CXCL2: variants seen among roughly 807,000 people sequenced by gnomAD.
The protein encoded by CXCL2 is C-X-C motif chemokine ligand 2, also known as C-X-C motif chemokine 2.
Under a neutral mutation model 11.2 loss-of-function variants are expected in CXCL2, and 12 were observed. The observed-to-expected ratio is 1.08, with a 90% CI of 0.69 to 1.74. CXCL2 has a LOEUF of 1.74. Ranked by LOEUF, CXCL2 falls within the 40% of genes most tolerant of loss-of-function variation. The pLI is 0.00. For synonymous variants in CXCL2, 68 were observed against 61.9 expected, an observed-to-expected ratio of 1.10 and a Z score of -0.47; for missense variants, 120 against 137.8, an observed-to-expected ratio of 0.87 and a Z score of 0.65.
chr4:74,098,088 C>T (rs1287122687), intron 3 of CXCL2, among the ~76,000 whole-genome samples: 1 of 152,188 alleles, frequency 6.6e-6, no homozygotes, highest in East Asian at 1.9e-4. Flanking sequence ...CATGATGTAG[C>T]TACCATTATT....
At chr4:74,098,556 G>C (rs1721329255) in intron 3 of CXCL2, 45 bp downstream of exon 3, 1 of 1,595,610 alleles carries the variant, frequency 6.3e-7, no homozygotes. Context: ...CAGTATTTCT[G>C]ACCAACAGCT....
At chr4:74,098,457 C>A in intron 3 of CXCL2, 144 bp downstream of exon 3, 3 of 881,012 alleles carry the variant, frequency 3.4e-6, no homozygotes, top group Non-Finnish European at 5.2e-6. Context: ...AGATTAATAA[C>A]CTTAATGGCA....
At position 74,097,440 on chromosome 4, in the gene CXCL2, A is replaced by G. The variant is rs1053222086; in HGVS notation, c.*316T>C. 2 of 177,758 alleles carry G rather than the reference A, an allele frequency of 1.1e-5. No individual in the cohort carries two copies. Among genetic ancestry groups the G allele is most frequent in the Admixed American group, 6.2e-5 (1 of 16,008 alleles). 11.0% of individuals were successfully genotyped at this position (177,758 alleles called of 1,614,324 possible). A position where few individuals can be genotyped will look rare whatever the true frequency, so the allele number is the denominator to read the frequency against. On this transcript the variant is annotated 3_prime_UTR_variant, in exon 4 of 4. Coordinates refer to ENST00000508487, the MANE Select transcript of CXCL2 (RefSeq NM_002089.4). Reference sequence around the variant, plus strand: ...ACTAGAGAATATCTGCAAACCTTCTATCTTCAAATTAAATATGAATCAGGA... The same window carrying G: ...ACTAGAGAATATCTGCAAACCTTCTGTCTTCAAATTAAATATGAATCAGGA...
chr4:74,098,739 G>T, intron 2 of CXCL2, 55 bp from the exon 3 acceptor site: 1 of 1,613,604 alleles, frequency 6.2e-7, no homozygotes, highest in Non-Finnish European at 8.5e-7. Flanking sequence ...GACAGGGTTT[G>T]GGGCAGCGGG....
In CXCL2 at chr4:74,097,539, A is replaced by ACCTT. The variant is rs1487386351; in HGVS notation, c.*213_*216dup. The ACCTT allele has an allele frequency of 3.0e-6, 1 of 330,908 alleles. No individual in the cohort carries two copies. The highest frequency in any genetic ancestry group is 2.1e-5 in the African/African-American group (1 of 47,236). The allele number at this position is 330,908 out of a possible 1,614,324, so 20.5% of individuals were successfully genotyped here. ...GAGTGTGCAAGTAGATTCAATCATA[A>ACCTT]CCTTATTTTACACATAAAATATTAA... On this transcript the variant is annotated 3_prime_UTR_variant, in exon 4 of 4. Coordinates refer to ENST00000508487, the MANE Select transcript of CXCL2 (RefSeq NM_002089.4).
At chr4:74,098,560 A>T in intron 3 of CXCL2, 41 bp downstream of exon 3, 3 of 1,601,902 alleles carry the variant, frequency 1.9e-6, no homozygotes, top group Non-Finnish European at 2.6e-6. Context: ...ATTTCTGACC[A>T]ACAGCTCCAG....
Position 74,097,412 on chromosome 4 carries a change from A to G in CXCL2, c.*344T>C, listed in dbSNP as rs1721303218. The G allele has an allele frequency of 6.2e-6, 1 of 161,150 alleles. No individual in the cohort carries two copies. The highest frequency in any genetic ancestry group is 1.4e-5 in the Non-Finnish European group (1 of 74,032). 10.0% of individuals were successfully genotyped at this position (161,150 alleles called of 1,614,324 possible). On this transcript the variant is annotated 3_prime_UTR_variant, in exon 4 of 4. Transcript: ENST00000508487. ...TGTCATCACGAAGAAATATTAACAA[A>G]TGACTAGAGAATATCTGCAAACCTT...
chr4:74,097,467 T>A lies in CXCL2; in HGVS notation c.*289A>T, dbSNP rs1160290005. The A allele has an allele frequency of 4.9e-6, 1 of 205,474 alleles. No homozygotes were observed. Among genetic ancestry groups the A allele is most frequent in the Non-Finnish European group, 9.7e-6 (1 of 103,306 alleles). The allele number at this position is 205,474 out of a possible 1,614,324, so 12.7% of individuals were successfully genotyped here. A position where few individuals can be genotyped will look rare whatever the true frequency, so the allele number is the denominator to read the frequency against. ...CTTCAAATTAAATATGAATCAGGAT[T>A]GAACTAACTTGGGTTTGACCTAAAA... On this transcript the variant is annotated 3_prime_UTR_variant, in exon 4 of 4. Transcript: ENST00000508487.
At position 74,098,686 on chromosome 4, in the gene CXCL2, T is replaced by C. The variant is rs1346861820; in HGVS notation, c.225-2A>G. 1 of 1,614,048 alleles carries C rather than the reference T, an allele frequency of 6.2e-7. No homozygotes were observed. Among genetic ancestry groups the C allele is most frequent in the Admixed American group, 1.7e-5 (1 of 60,010 alleles). On this transcript the variant is annotated splice_acceptor_variant, in intron 2 of 3. Coordinates refer to ENST00000508487, the MANE Select transcript of CXCL2 (RefSeq NM_002089.4). LOFTEE classifies it high-confidence loss of function. ...TTCTGCCCATTCTTGAGTGTGGCTCTGCAGAGAGAAGGGAATCTCGTGAGA... is the reference window on the plus strand; with the variant it reads ...TTCTGCCCATTCTTGAGTGTGGCTCCGCAGAGAGAAGGGAATCTCGTGAGA...
chr4:74,097,586 C>CAAATAAAT lies in CXCL2; in HGVS notation c.*162_*169dup, dbSNP rs5859415. 7.4e-3 allele frequency: 2,673 copies of CAAATAAAT among 362,366 alleles called. 18 individuals are homozygous for CAAATAAAT. Among genetic ancestry groups the CAAATAAAT allele is most frequent in the Middle Eastern group, 0.023 (29 of 1,254 alleles). 22.4% of individuals were successfully genotyped at this position (362,366 alleles called of 1,614,324 possible). A position where few individuals can be genotyped will look rare whatever the true frequency, so the allele number is the denominator to read the frequency against. On this transcript the variant is annotated 3_prime_UTR_variant, in exon 4 of 4. Coordinates refer to ENST00000508487, the MANE Select transcript of CXCL2 (RefSeq NM_002089.4). ...TTAACATAGAATCTTCTAAAACAAA[C>CAAATAAAT]AAATAAATAAATAAATAAATAAATA...
At chr4:74,098,574 C>T in intron 3 of CXCL2, 27 bp downstream of exon 3, 1 of 1,610,128 alleles carries the variant, frequency 6.2e-7, no homozygotes, top group Non-Finnish European at 8.5e-7. Context: ...GCTCCAGTCG[C>T]CTGTGTACAT....
rs979169774 is a variant in CXCL2, at chr4:74,098,535, G to C, written c.308+66C>G. On this transcript the variant is annotated intron_variant, in intron 3 of 3. Transcript: ENST00000508487. ...TGGGTTTTCCTGATTTACTTTTTAGGGGGCAGACGCCAGTATTTCTGACCA... is the reference window on the plus strand; with the variant it reads ...TGGGTTTTCCTGATTTACTTTTTAGCGGGCAGACGCCAGTATTTCTGACCA... The C allele has an allele frequency of 1.3e-5, 20 of 1,515,152 alleles. No individual in the cohort carries two copies. In the Admixed American group the frequency reaches 2.2e-4, roughly 17 times the overall value. The allele number at this position is 1,515,152 out of a possible 1,614,324, so 93.9% of individuals were successfully genotyped here.
chr4:74,098,378 A>G (rs1244243039), intron 3 of CXCL2, among the ~76,000 whole-genome samples: 3 of 152,236 alleles, frequency 2.0e-5, no homozygotes, highest in Middle Eastern at 3.2e-3. Context: ...TTTTACCTAC[A>G]TTCACTGGCA....
rs780434409 is a variant in CXCL2 at position 74,098,696 on chromosome 4, A to G, written c.225-12T>C. On this transcript the variant is annotated splice_polypyrimidine_tract_variant and intron_variant, in intron 2 of 3. Transcript: ENST00000508487. ...TCTTGAGTGTGGCTCTGCAGAGAGAAGGGAATCTCGTGAGACAGGAGGTCG... is the reference window on the plus strand; with the variant it reads ...TCTTGAGTGTGGCTCTGCAGAGAGAGGGGAATCTCGTGAGACAGGAGGTCG... 70 of 1,614,096 alleles carry G rather than the reference A, an allele frequency of 4.3e-5. No individual in the cohort carries two copies. In the South Asian group the frequency reaches 6.9e-4, roughly 16 times the overall value.
At chr4:74,097,819 C>A in intron 3 of CXCL2, 48 bp from the exon 4 acceptor site, 1 of 1,557,376 alleles carries the variant, frequency 6.4e-7, no homozygotes, top group African/African-American at 1.4e-5. Flanking sequence ...GGAAAGCTGA[C>A]TGCACAACAG....
In CXCL2 at chr4:74,097,651, A is replaced by T; in HGVS notation, c.*105T>A. On this transcript the variant is annotated 3_prime_UTR_variant, in exon 4 of 4. Transcript: ENST00000508487. ...AGTGATGCTCAAACACATTAGGCGCAATCCAGGTGGCCTCTGCAGCTGTGT... is the reference window on the plus strand; with the variant it reads ...AGTGATGCTCAAACACATTAGGCGCTATCCAGGTGGCCTCTGCAGCTGTGT... 1 of 1,117,004 alleles carries T rather than the reference A, an allele frequency of 9.0e-7. No individual in the cohort carries two copies. The allele number at this position is 1,117,004 out of a possible 1,614,324, so 69.2% of individuals were successfully genotyped here.
chr4:74,099,106 C>G lies in CXCL2; in HGVS notation c.15G>C (p.Thr5=). MARA[T]LSAAPSNPRL... is the part of the protein sequence containing the mutation. ...GGGGATTGCTGGGGGCGGCGGAGAGCGTGGCGCGGGCCATGGGGCTCAGCA... is the reference window on the plus strand; with the variant it reads ...GGGGATTGCTGGGGGCGGCGGAGAGGGTGGCGCGGGCCATGGGGCTCAGCA... Residue 5 remains threonine, a synonymous_variant, in exon 1 of 4, where the codon ACG becomes ACC. Coordinates refer to ENST00000508487, the MANE Select transcript of CXCL2 (RefSeq NM_002089.4). 2 of 1,495,800 alleles carry G rather than the reference C, an allele frequency of 1.3e-6. No homozygotes were observed. The highest frequency in any genetic ancestry group is 1.8e-6 in the Non-Finnish European group (2 of 1,124,560). The allele number at this position is 1,495,800 out of a possible 1,614,324, so 92.7% of individuals were successfully genotyped here.
chr4:74,099,013 G>A lies in CXCL2; in HGVS notation c.100+8C>T, dbSNP rs926258893. The A allele has an allele frequency of 3.9e-6, 6 of 1,524,304 alleles. No individual in the cohort carries two copies. In the African/African-American group the frequency reaches 8.6e-5, roughly 22 times the overall value. The allele number at this position is 1,524,304 out of a possible 1,614,324, so 94.4% of individuals were successfully genotyped here. A position where few individuals can be genotyped will look rare whatever the true frequency, so the allele number is the denominator to read the frequency against. On this transcript the variant is annotated splice_region_variant and intron_variant, in intron 1 of 3. Transcript: ENST00000508487. ...CCGGCCCGGGGACCCCAGGGCGCCG[G>A]GACCCACCTGCTGCGCGCCGGCTGG...
intron 2 of CXCL2, 44 bp from the exon 3 acceptor site, chr4:74,098,728 G>T: frequency 1.2e-6 from 2 of 1,613,966 alleles, no homozygotes; most frequent in Non-Finnish European, 1.7e-6. Flanking sequence ...GTCGGGCTGA[G>T]GACAGGGTTT....
Sources: gnomAD v4.1 joint callset for allele counts (sites outside exome capture counted in the v4.1 genomes callset) on GRCh38, gnomAD v4.1.1 for gene constraint, MANE v1.5 for transcripts, NCBI Gene and HGNC (gene_info 2026-07-23, HGNC 2026-07-21) for gene names.